Variants in ZFPM2 observed in about 807,000 individuals in gnomAD.
The protein encoded by ZFPM2 is zinc finger protein, FOG family member 2, also known as zinc finger protein ZFPM2.
ZFPM2 carries 20 observed loss-of-function variants against 98.6 expected under a neutral mutation model. The ratio of observed to expected loss-of-function variants is 0.20; its 90% CI spans 0.14 to 0.29. The LOEUF (loss-of-function observed/expected upper bound fraction) is 0.29. Ranked by LOEUF, ZFPM2 falls within the 10% of genes least tolerant of loss-of-function variation. The pLI, the probability that ZFPM2 is intolerant of heterozygous loss-of-function variation, is 1.00. For synonymous variants in ZFPM2, 518 were observed against 502.7 expected, an observed-to-expected ratio of 1.03 and a Z score of -0.41; for missense variants, 1,310 against 1,388.6, an observed-to-expected ratio of 0.94 and a Z score of 0.90.
At chr8:105,681,251 T>C (rs1810593365) in intron 5 of ZFPM2, among the ~76,000 whole-genome samples, 1 of 152,132 alleles carries the variant, frequency 6.6e-6, no homozygotes, top group Non-Finnish European at 1.5e-5. Flanking sequence ...CTCATGTCTC[T>C]ACCCTGCCCT....
intron 1 of ZFPM2, among the ~76,000 whole-genome samples, chr8:105,410,907 C>A (rs1024925228): frequency 6.6e-6 from 1 of 151,720 alleles, no homozygotes; most frequent in African/African-American, 2.4e-5. Context: ...GGTAGCATTT[C>A]TCACTTTGGG....
chr8:105,625,971 G>GAAAA (rs529659546), intron 4 of ZFPM2, among the ~76,000 whole-genome samples: 10 of 138,550 alleles, frequency 7.2e-5, no homozygotes, highest in African/African-American at 2.2e-4. Flanking sequence ...CTATTTTCTG[G>GAAAA]AAAAAAAAAA....
intron 4 of ZFPM2, among the ~76,000 whole-genome samples, chr8:105,562,607 G>C (rs1380718674): frequency 6.6e-6 from 1 of 152,040 alleles, no homozygotes; most frequent in African/African-American, 2.4e-5. Context: ...AGTTTCTGAG[G>C]GCTGCCCGTG....
At chr8:105,595,859 A>G (rs1815958216) in intron 4 of ZFPM2, among the ~76,000 whole-genome samples, 1 of 152,090 alleles carries the variant, frequency 6.6e-6, no homozygotes, top group Non-Finnish European at 1.5e-5. Context: ...TAATCTATCT[A>G]TTCCTCATGA....
intron 4 of ZFPM2, among the ~76,000 whole-genome samples, chr8:105,613,702 T>C (rs1471964968): frequency 1.3e-5 from 2 of 152,098 alleles, no homozygotes; most frequent in African/African-American, 2.4e-5. Flanking sequence ...CTCACTAAGA[T>C]AAGGGTGTTC....
chr8:105,551,544 A>G (rs1226400465), intron 3 of ZFPM2, among the ~76,000 whole-genome samples: 2 of 152,180 alleles, frequency 1.3e-5, no homozygotes, highest in Non-Finnish European at 2.9e-5. Flanking sequence ...TCTATTAGGG[A>G]ATGAGAGTAC....
chr8:105,443,338 A>AAAAAAAAC (rs1554605250), intron 2 of ZFPM2, among the ~76,000 whole-genome samples: 30 of 151,094 alleles, frequency 2.0e-4, no homozygotes, highest in South Asian at 6.3e-4. Context: ...AAAAAAAAAA[A>AAAAAAAAC]ACTTGGCATT....
rs569896757 is a variant in ZFPM2, at chr8:105,794,988, C to T, written c.740-3736C>T. 1.1e-4 allele frequency among the ~76,000 whole-genome samples: 16 copies of T among 152,240 alleles called. No homozygotes were observed. The East Asian group carries it at 2.5e-3, about 24-fold the overall frequency. ...GATTTTCCAGGTGCCGTCTGTCACC[C>T]CTTTCTTTGACTAGGAAAGGGAACT... On this transcript the variant is annotated intron_variant, in intron 6 of 7. Coordinates refer to ENST00000407775, the MANE Select transcript of ZFPM2 (RefSeq NM_012082.4).
chr8:105,616,882 G>A (rs1685633318), intron 4 of ZFPM2, among the ~76,000 whole-genome samples: 1 of 151,228 alleles, frequency 6.6e-6, no homozygotes, highest in Non-Finnish European at 1.5e-5. Flanking sequence ...GCCGGGTGTG[G>A]TGGTGCACAT....
At chr8:105,458,434 ATT>A (rs1304945446) in intron 3 of ZFPM2, among the ~76,000 whole-genome samples, 1 of 152,046 alleles carries the variant, frequency 6.6e-6, no homozygotes, top group African/African-American at 2.4e-5. Context: ...AAAAAAAAAA[ATT>A]TGTTTTCCCC....
intron 3 of ZFPM2, among the ~76,000 whole-genome samples, chr8:105,469,230 T>G (rs1192269595): frequency 2.0e-5 from 3 of 152,204 alleles, no homozygotes; most frequent in African/African-American, 7.2e-5. Flanking sequence ...TTTAATTTTC[T>G]CAGTATGATC....
rs1195263093 is a variant in ZFPM2, at chr8:105,798,915, C to G, written c.931C>G (p.Arg311Gly). 25 of 1,613,900 alleles carry G rather than the reference C, an allele frequency of 1.5e-5. No homozygotes were observed. The highest frequency in any genetic ancestry group is 2.2e-5 in the South Asian group (2 of 91,078). Reference sequence around the variant, plus strand: ...GTGCACCAAGAGCTTTTCAAATGCTCGAGCTCTAGAAATGCACCTGAATTC... The same window carrying G: ...GTGCACCAAGAGCTTTTCAAATGCTGGAGCTCTAGAAATGCACCTGAATTC... ...PQCTKSFSNA[R>G]ALEMHLNSHS... Residue 311 changes from arginine to glycine, a missense_variant, in exon 7 of 8, where the codon CGA becomes GGA. By Grantham distance (125) the Arg-to-Gly change is moderately radical. Coordinates refer to ENST00000407775, the MANE Select transcript of ZFPM2 (RefSeq NM_012082.4).
In ZFPM2 at chr8:105,772,100, C is replaced by T. The variant is rs531779382; in HGVS notation, c.533-16618C>T. ...TTCCATTTGCTTTCATGGAACTTTG[C>T]CTAGAAATTCAACAACTGAAACCTT... On this transcript the variant is annotated intron_variant, in intron 5 of 7. Coordinates refer to ENST00000407775, the MANE Select transcript of ZFPM2 (RefSeq NM_012082.4). Among the ~76,000 whole-genome samples the T allele has an allele frequency of 8.5e-5, 13 of 152,188 alleles. No individual in the cohort carries two copies. The East Asian group carries it at 2.5e-3, about 30-fold the overall frequency.
chr8:105,338,787 T>C (rs1182851584), intron 1 of ZFPM2, among the ~76,000 whole-genome samples: 3 of 151,840 alleles, frequency 2.0e-5, no homozygotes, highest in Non-Finnish European at 4.4e-5. Flanking sequence ...TACCTTAAGG[T>C]TGTAGTAAGG....
intron 1 of ZFPM2, among the ~76,000 whole-genome samples, chr8:105,334,739 CTTCT>C (rs1315161567): frequency 6.6e-6 from 1 of 151,648 alleles, no homozygotes; most frequent in African/African-American, 2.4e-5. Context: ...AATGTTTTGC[CTTCT>C]GAGTGATTTT....
chr8:105,403,228 T>C (rs1273154931), intron 1 of ZFPM2, among the ~76,000 whole-genome samples: 1 of 152,094 alleles, frequency 6.6e-6, no homozygotes, highest in Non-Finnish European at 1.5e-5. Flanking sequence ...TACTGCTAAT[T>C]CACCATTTTC....
rs1045723257 is a variant in ZFPM2 at position 105,789,527 on chromosome 8, T to C, written c.739+603T>C. ...GGTTCCAAGTCTTTCCTATTGTGAA[T>C]AGTGCTGCAATAAACATACGTGTGC... On this transcript the variant is annotated intron_variant, in intron 6 of 7. Transcript: ENST00000407775. 3.2e-3 allele frequency among the ~76,000 whole-genome samples: 481 copies of C among 152,288 alleles called. 1 individual carries two copies. Among genetic ancestry groups the C allele is most frequent in the African/African-American group, 9.3e-3 (387 of 41,542 alleles).
At chr8:105,697,614 T>C (rs1334754450) in intron 5 of ZFPM2, among the ~76,000 whole-genome samples, 3 of 152,206 alleles carry the variant, frequency 2.0e-5, no homozygotes, top group Admixed American at 6.5e-5. Context: ...ATATTTACTC[T>C]GGTATAACTG....
In ZFPM2 at chr8:105,663,169, T is replaced by A. The variant is rs116804948; in HGVS notation, c.532+28812T>A. Reference sequence around the variant, plus strand: ...AATAAATATCTCCAGCACTAGGCACTGGGAATGAAATGGATAATCATTCAG... The same window carrying A: ...AATAAATATCTCCAGCACTAGGCACAGGGAATGAAATGGATAATCATTCAG... On this transcript the variant is annotated intron_variant, in intron 5 of 7. Coordinates refer to ENST00000407775, the MANE Select transcript of ZFPM2 (RefSeq NM_012082.4). 3.9e-3 allele frequency among the ~76,000 whole-genome samples: 592 copies of A among 152,300 alleles called. 3 individuals are homozygous for A. Among genetic ancestry groups the A allele is most frequent in the African/African-American group, 0.013 (556 of 41,550 alleles).
Sources: gnomAD v4.1 joint callset for allele counts (sites outside exome capture counted in the v4.1 genomes callset) on GRCh38, gnomAD v4.1.1 for gene constraint, MANE v1.5 for transcripts, NCBI Gene and HGNC (gene_info 2026-07-23, HGNC 2026-07-21) for gene names.